The following GMDS variants were observed in gnomAD, a reference collection of about 807,000 sequenced individuals.
GMDS encodes GDP-mannose 4,6 dehydratase.
GMDS carries 20 observed loss-of-function variants against 49.9 expected under a neutral mutation model. The ratio of observed to expected loss-of-function variants is 0.40; its 90% CI spans 0.28 to 0.58. The LOEUF (loss-of-function observed/expected upper bound fraction) is 0.58. GMDS is among the 20% of genes least tolerant of loss of function. GMDS has a pLI of 0.42. For missense variants in GMDS, 362 were observed against 481.4 expected, an observed-to-expected ratio of 0.75 and a Z score of 2.32; for synonymous variants, 177 against 178.6, an observed-to-expected ratio of 0.99 and a Z score of 0.07.
chr6:1,900,638 A>G (rs1760454097), intron 7 of GMDS, among the ~76,000 whole-genome samples: 1 of 152,240 alleles, frequency 6.6e-6, no homozygotes, highest in African/African-American at 2.4e-5. Context: ...GCCAACTTCT[A>G]CTAATCTTTC....
intron 2 of GMDS, among the ~76,000 whole-genome samples, chr6:2,121,051 A>T (rs1482789363): frequency 2.0e-5 from 3 of 152,170 alleles, no homozygotes; most frequent in Non-Finnish European, 4.4e-5. Flanking sequence ...TATCATCCCC[A>T]TTTACAGAAA....
intron 7 of GMDS, among the ~76,000 whole-genome samples, chr6:1,844,518 T>C (rs1197510812): frequency 6.6e-6 from 1 of 152,254 alleles, no homozygotes; most frequent in Non-Finnish European, 1.5e-5. Flanking sequence ...GGCATATTTA[T>C]TACAGTTAGC....
At chr6:2,159,527 T>C (rs1345094074) in intron 1 of GMDS, among the ~76,000 whole-genome samples, 5 of 143,712 alleles carry the variant, frequency 3.5e-5, no homozygotes, top group African/African-American at 5.1e-5. Flanking sequence ...TTTTTTTTTT[T>C]TTTTTTTTTG....
intron 1 of GMDS, among the ~76,000 whole-genome samples, chr6:2,213,654 A>G (rs73420756): frequency 0.02 from 3,079 of 152,202 alleles, 94 homozygotes; most frequent in African/African-American, 0.068. Context: ...TAGGAAGAGC[A>G]CCCTTTAAAA....
intron 9 of GMDS, among the ~76,000 whole-genome samples, chr6:1,698,058 A>C (rs1765404380): frequency 6.6e-6 from 1 of 152,128 alleles, no homozygotes; most frequent in South Asian, 2.1e-4. Context: ...TATATGTTCT[A>C]AAAAGCAAAG....
At chr6:2,045,717 T>C (rs1427585182) in intron 4 of GMDS, among the ~76,000 whole-genome samples, 1 of 151,932 alleles carries the variant, frequency 6.6e-6, no homozygotes, top group Non-Finnish European at 1.5e-5. Context: ...CTAAATGTCA[T>C]GACAATGGAG....
chr6:2,030,214 C>T (rs1036812786), intron 4 of GMDS, among the ~76,000 whole-genome samples: 9 of 152,144 alleles, frequency 5.9e-5, no homozygotes, highest in African/African-American at 1.9e-4. Context: ...AAGATCATTT[C>T]GAAATTAAAA....
chr6:2,077,983 T>C (rs2127465019), intron 4 of GMDS, among the ~76,000 whole-genome samples: 1 of 152,216 alleles, frequency 6.6e-6, no homozygotes, highest in South Asian at 2.1e-4. Context: ...TGTTCAGGCT[T>C]TCTGTTTTTT....
chr6:2,055,566 T>C (rs1014152869), intron 4 of GMDS, among the ~76,000 whole-genome samples: 2 of 152,124 alleles, frequency 1.3e-5, no homozygotes, highest in African/African-American at 2.4e-5. Flanking sequence ...GTATTCTCTT[T>C]CTTAACCAAT....
At chr6:1,677,494 C>T (rs1276556419) in intron 9 of GMDS, among the ~76,000 whole-genome samples, 1 of 152,066 alleles carries the variant, frequency 6.6e-6, no homozygotes, top group African/African-American at 2.4e-5. Flanking sequence ...GACACATGCA[C>T]ACGTATGTTT....
At chr6:2,171,161 T>C (rs147253685) in intron 1 of GMDS, among the ~76,000 whole-genome samples, 2 of 152,318 alleles carry the variant, frequency 1.3e-5, no homozygotes, top group Non-Finnish European at 2.9e-5. Context: ...TGCTTCTTAA[T>C]CTTAAGAGTA....
chr6:2,073,756 CAT>C (rs1474206204), intron 4 of GMDS, among the ~76,000 whole-genome samples: 1 of 152,170 alleles, frequency 6.6e-6, no homozygotes, highest in African/African-American at 2.4e-5. Context: ...TCAGTGACAA[CAT>C]GTGGAATTTA....
intron 4 of GMDS, among the ~76,000 whole-genome samples, chr6:2,074,762 T>C (rs55698734): frequency 0.029 from 4,467 of 152,192 alleles, 214 homozygotes; most frequent in African/African-American, 0.1. Context: ...ATTCAGCCTC[T>C]CAAAGTGCTG....
intron 4 of GMDS, among the ~76,000 whole-genome samples, chr6:1,995,316 T>C (rs566950667): frequency 5.7e-4 from 86 of 152,154 alleles, no homozygotes; most frequent in South Asian, 1.5e-3. Flanking sequence ...ACTCCTCTGC[T>C]AGCTACAGCT....
At chr6:1,735,176 G>A (rs1183841635) in intron 8 of GMDS, among the ~76,000 whole-genome samples, 2 of 151,798 alleles carry the variant, frequency 1.3e-5, no homozygotes, top group African/African-American at 2.4e-5. Flanking sequence ...CCCCAGAGTC[G>A]CTGCCACTGT....
rs73716248 is a variant in GMDS at position 1,657,609 on chromosome 6, G to A, written c.988-33069C>T. Among the ~76,000 whole-genome samples the A allele has an allele frequency of 6.5e-3, 986 of 152,244 alleles. 6 individuals carry two copies. Among genetic ancestry groups the A allele is most frequent in the African/African-American group, 0.022 (928 of 41,554 alleles). ...GGCATTTATTAACTGGTGTTCACAC[G>A]GCTCTTTCACTGGCTGAGTTTGTGA... On this transcript the variant is annotated intron_variant, in intron 9 of 10. Transcript: ENST00000380815.
At chr6:1,805,573 C>T (rs1449014370) in intron 7 of GMDS, among the ~76,000 whole-genome samples, 1 of 152,098 alleles carries the variant, frequency 6.6e-6, no homozygotes, top group East Asian at 1.9e-4. Flanking sequence ...ATTCTTTCAC[C>T]GATATACAGG....
At chr6:1,788,184 AGCCGACCAAG>A (rs1476267433) in intron 7 of GMDS, among the ~76,000 whole-genome samples, 1 of 152,226 alleles carries the variant, frequency 6.6e-6, no homozygotes, top group Non-Finnish European at 1.5e-5. Context: ...AAAGACTGGG[AGCCGACCAAG>A]GCCACAGTCG....
At chr6:2,006,266 T>A (rs1303486519) in intron 4 of GMDS, among the ~76,000 whole-genome samples, 3 of 147,512 alleles carry the variant, frequency 2.0e-5, no homozygotes, top group Non-Finnish European at 3.0e-5. Flanking sequence ...TGCAAACAAT[T>A]AAAAAAAAAA....
Sources: allele counts gnomAD v4.1 joint callset (sites outside exome capture counted in the v4.1 genomes callset), GRCh38; gene constraint gnomAD v4.1.1; transcripts MANE v1.5; gene names NCBI Gene and HGNC (gene_info 2026-07-23, HGNC 2026-07-21).